The following CACHD1 variants were observed in gnomAD, a reference collection of about 807,000 sequenced individuals.
CACHD1 encodes VWFA and cache domain-containing protein 1.
A neutral mutation model predicts 138.7 loss-of-function variants in CACHD1; 71 were observed. That is an observed-to-expected ratio of 0.51 (90% confidence interval 0.42 to 0.62). The LOEUF is 0.62. CACHD1 is among the 20% of genes least tolerant of loss of function. The pLI is 0.00. For missense variants in CACHD1, 1,389 were observed against 1,625.3 expected, an observed-to-expected ratio of 0.85 and a Z score of 2.50; for synonymous variants, 578 against 591.5, an observed-to-expected ratio of 0.98 and a Z score of 0.33.
chr1:64,502,418 C>T (rs1646345544), intron 1 of CACHD1, among the ~76,000 whole-genome samples: 1 of 152,144 alleles, frequency 6.6e-6, no homozygotes, highest in South Asian at 2.1e-4. Flanking sequence ...TACATTAGAT[C>T]ACTGAGGGGC....
rs115602608 is a variant in CACHD1, at chr1:64,548,634, G to A, written c.199-1960G>A. On this transcript the variant is annotated intron_variant, in intron 1 of 26. Transcript: ENST00000651257. ...GCCCCCTGAATGTAAAACACCGGTA[G>A]TGGTATCTAGAGCAGAGCCCCATAA... 7.9e-3 allele frequency among the ~76,000 whole-genome samples: 1,198 copies of A among 152,282 alleles called. 19 individuals carry two copies. Among genetic ancestry groups the A allele is most frequent in the African/African-American group, 0.028 (1,148 of 41,558 alleles).
chr1:64,634,306 T>C, intron 7 of CACHD1, 46 bp downstream of exon 7: 1 of 1,337,822 alleles, frequency 7.5e-7, no homozygotes. Flanking sequence ...TAGATAAAGA[T>C]GGCAATAGGA....
intron 3 of CACHD1, among the ~76,000 whole-genome samples, chr1:64,599,042 C>G (rs1421399588): frequency 6.6e-6 from 1 of 151,750 alleles, no homozygotes; most frequent in African/African-American, 2.4e-5. Context: ...TCTCAGAGAG[C>G]TGCCTTACCC....
At chr1:64,537,129 C>T (rs1218646089) in intron 1 of CACHD1, among the ~76,000 whole-genome samples, 1 of 152,094 alleles carries the variant, frequency 6.6e-6, no homozygotes, top group Non-Finnish European at 1.5e-5. Context: ...GTGACAGCAC[C>T]AAAAGGGCTT....
At chr1:64,478,561 A>G (rs1037895106) in intron 1 of CACHD1, among the ~76,000 whole-genome samples, 8 of 152,170 alleles carry the variant, frequency 5.3e-5, no homozygotes, top group African/African-American at 1.9e-4. Context: ...TGGATTCCTT[A>G]TTGCAGGGAG....
At chr1:64,593,546 A>T (rs1432353934) in intron 3 of CACHD1, among the ~76,000 whole-genome samples, 5 of 152,062 alleles carry the variant, frequency 3.3e-5, no homozygotes, top group Non-Finnish European at 7.4e-5. Context: ...CTGAGTTTAA[A>T]TTTTTTGCAA....
At chr1:64,637,191 T>C (rs1009956989) in intron 7 of CACHD1, among the ~76,000 whole-genome samples, 1 of 152,250 alleles carries the variant, frequency 6.6e-6, no homozygotes, top group Non-Finnish European at 1.5e-5. Flanking sequence ...TTTTGATTAT[T>C]ATACTTTTCA....
chr1:64,523,526 G>C (rs1646513972), intron 1 of CACHD1, among the ~76,000 whole-genome samples: 1 of 152,202 alleles, frequency 6.6e-6, no homozygotes, highest in Non-Finnish European at 1.5e-5. Context: ...TGAACAAACA[G>C]TTCCTGGAAC....
At chr1:64,570,583 T>G (rs1048532727) in intron 2 of CACHD1, among the ~76,000 whole-genome samples, 1 of 152,102 alleles carries the variant, frequency 6.6e-6, no homozygotes, top group African/African-American at 2.4e-5. Context: ...CCAGTTCTTC[T>G]GTTTGCAGTT....
At chr1:64,609,882 A>T (rs1411734871) in intron 4 of CACHD1, among the ~76,000 whole-genome samples, 1 of 152,142 alleles carries the variant, frequency 6.6e-6, no homozygotes, top group African/African-American at 2.4e-5. Flanking sequence ...TCTTGCTGCT[A>T]ATAATAAAGA....
In CACHD1 at chr1:64,663,575, G is replaced by GAAAAA. The variant is rs1192848199; in HGVS notation, c.1952-115_1952-111dup. On this transcript the variant is annotated intron_variant, in intron 13 of 26. Transcript: ENST00000651257. ...GAAAAAAAAAAAAAAAGAAAAAAAG[G>GAAAAA]AAAAAAAAAGACATTAAGCCACCAT... 4.6e-3 allele frequency: 5,450 copies of GAAAAA among 1,193,620 alleles called. 17 individuals are homozygous for GAAAAA. The highest frequency in any genetic ancestry group is 5.4e-3 in the Non-Finnish European group (4,602 of 859,082). 73.9% of individuals were successfully genotyped at this position (1,193,620 alleles called of 1,614,324 possible).
At position 64,691,790 on chromosome 1, in the gene CACHD1, C is replaced by A. The variant is rs1165032086; in HGVS notation, c.*229C>A. On this transcript the variant is annotated 3_prime_UTR_variant, in exon 27 of 27. Transcript: ENST00000651257. ...GGTTCTGAAATGGAGGGGAAATAAG[C>A]CTGATGAACAGACCTGCCATAACAC... 2.4e-5 allele frequency: 13 copies of A among 551,266 alleles called. No homozygotes were observed. The highest frequency in any genetic ancestry group is 3.6e-5 in the Non-Finnish European group (11 of 306,602). 34.1% of individuals were successfully genotyped at this position (551,266 alleles called of 1,614,324 possible).
intron 1 of CACHD1, among the ~76,000 whole-genome samples, chr1:64,505,455 G>GCGGCTCAGCGAAGGCCCT: frequency 6.6e-6 from 1 of 152,230 alleles, no homozygotes; most frequent in South Asian, 2.1e-4. Context: ...GCCTCGGAGA[G>GCGGCTCAGCGAAGGCCCT]CGGCTCAGCG....
At chr1:64,663,643 A>G in intron 13 of CACHD1, 52 bp from the exon 14 acceptor site, 2 of 1,609,186 alleles carry the variant, frequency 1.2e-6, no homozygotes, top group Admixed American at 3.3e-5. Context: ...TTTGTTTGGG[A>G]TGAGATAGAG....
chr1:64,598,108 C>T (rs1047085744), intron 3 of CACHD1, among the ~76,000 whole-genome samples: 2 of 152,088 alleles, frequency 1.3e-5, no homozygotes, highest in African/African-American at 4.8e-5. Context: ...GTGTGGAGTC[C>T]GGAGTCCAGA....
intron 4 of CACHD1, among the ~76,000 whole-genome samples, chr1:64,612,119 A>G (rs945285019): frequency 4.6e-5 from 7 of 152,170 alleles, no homozygotes; most frequent in Admixed American, 1.3e-4. Flanking sequence ...CCCATGATCC[A>G]ATTGCCTCAT....
chr1:64,582,294 T>C lies in CACHD1; in HGVS notation c.400T>C (p.Ser134Pro). 2 of 1,613,474 alleles carry C rather than the reference T, an allele frequency of 1.2e-6. No individual in the cohort carries two copies. Among genetic ancestry groups the C allele is most frequent in the Non-Finnish European group, 1.7e-6 (2 of 1,179,608 alleles). The change falls in exon 3 of 27, where the codon TCC becomes CCC. Residue 134 changes from serine to proline, a missense_variant. By Grantham distance (74) the Ser-to-Pro change is moderately conservative. Coordinates refer to ENST00000651257, the MANE Select transcript of CACHD1 (RefSeq NM_020925.4). ...TCAAGACTGCTGTACTATCCCACCT[T>C]CCATGATGGAGTAAGACTTTAAAAC... ...AIQDCCTIPP[S>P]MMEFDGNFNT...
At chr1:64,631,801 G>T (rs761044633) in intron 5 of CACHD1, among the ~76,000 whole-genome samples, 1 of 152,046 alleles carries the variant, frequency 6.6e-6, no homozygotes, top group Non-Finnish European at 1.5e-5. Context: ...CAAAAACCTG[G>T]CAAGAAGAGT....
At chr1:64,671,453 G>A (rs1421175645) in intron 16 of CACHD1, 111 bp from the exon 17 acceptor site, 4 of 1,125,028 alleles carry the variant, frequency 3.6e-6, no homozygotes, top group Non-Finnish European at 5.3e-6. Context: ...AAAGTAGGGA[G>A]GAACAGTGGG....
Sources: allele counts gnomAD v4.1 joint callset (sites outside exome capture counted in the v4.1 genomes callset), GRCh38; gene constraint gnomAD v4.1.1; transcripts MANE v1.5; gene names NCBI Gene and HGNC (gene_info 2026-07-23, HGNC 2026-07-21).